The following GIMAP8 variants were observed in gnomAD, a reference collection of about 807,000 sequenced individuals.
The protein encoded by GIMAP8 is GTPase IMAP family member 8.
Under a neutral mutation model 35.6 loss-of-function variants are expected in GIMAP8, and 29 were observed. That is an observed-to-expected ratio of 0.81 (90% confidence interval 0.61 to 1.11). The LOEUF (loss-of-function observed/expected upper bound fraction) is 1.11, where lower values mean the gene tolerates loss of function less well. Among genes scored for constraint, GIMAP8 ranks in the 50% most tolerant of loss-of-function variants. The probability of loss-of-function intolerance (pLI) is 0.00; values close to 1 mark genes in which losing one functional copy is unlikely to be tolerated. For synonymous variants in GIMAP8, 335 were observed against 308.7 expected, an observed-to-expected ratio of 1.09 and a Z score of -0.89; for missense variants, 811 against 805.0, an observed-to-expected ratio of 1.01 and a Z score of -0.09.
At chr7:150,455,138 C>CAAAA (rs57359256) in intron 1 of GIMAP8, among the ~76,000 whole-genome samples, 1 of 124,002 alleles carries the variant, frequency 8.1e-6, no homozygotes. Flanking sequence ...AATTCCATCT[C>CAAAA]AAAAAAAAAA....
At chr7:150,453,755 C>T (rs1162637334) in intron 1 of GIMAP8, among the ~76,000 whole-genome samples, 1 of 151,234 alleles carries the variant, frequency 6.6e-6, no homozygotes, top group Non-Finnish European at 1.5e-5. Context: ...AAGCACTAAG[C>T]AACTAAATGC....
intron 1 of GIMAP8, among the ~76,000 whole-genome samples, chr7:150,461,258 G>A (rs535261066): frequency 2.3e-4 from 35 of 152,328 alleles, no homozygotes; most frequent in African/African-American, 8.4e-4. Context: ...GATCTGTGGT[G>A]TAGATTAAGT....
intron 1 of GIMAP8, among the ~76,000 whole-genome samples, chr7:150,462,513 T>C (rs1274296486): frequency 6.6e-6 from 1 of 152,224 alleles, no homozygotes; most frequent in African/African-American, 2.4e-5. Context: ...AAGCATTTCT[T>C]GTAGGGTTGG....
chr7:150,458,043 C>G (rs1450213006), intron 1 of GIMAP8, among the ~76,000 whole-genome samples: 2 of 152,236 alleles, frequency 1.3e-5, no homozygotes, highest in Non-Finnish European at 2.9e-5. Flanking sequence ...CTCCTCACCA[C>G]TTCTGTCTTG....
rs918888465 is a variant in GIMAP8 at position 150,472,629 on chromosome 7, C to T, written c.683-1383C>T. Among the ~76,000 whole-genome samples the T allele has an allele frequency of 6.6e-6, 1 of 152,072 alleles. No individual in the cohort carries two copies. Among genetic ancestry groups the T allele is most frequent in the African/African-American group, 2.4e-5 (1 of 41,382 alleles). ...ATGGTCTCTCTAAATTGAAGAGAGT[C>T]CATATTCGAAATAAATATAAAATTA... On this transcript the variant is annotated intron_variant, in intron 3 of 4. Coordinates refer to ENST00000307271, the MANE Select transcript of GIMAP8 (RefSeq NM_175571.4). This position sits in a 1 kb window ranked among gnomAD's most constrained non-coding sequence, Gnocchi z 4.1.
At position 150,474,091 on chromosome 7, in the gene GIMAP8, GA is replaced by G. The variant is rs762224440; in HGVS notation, c.765del (p.Lys255AsnfsTer28). 6.2e-7 allele frequency: 1 copy of G among 1,614,216 alleles called. No homozygotes were observed. Among genetic ancestry groups the G allele is most frequent in the Non-Finnish European group, 8.5e-7 (1 of 1,180,042 alleles). ...CAGAACTGACAGTCCTCCTTGTGGG[GA>G]AACGCGGTGCTGGAAAAAGTGCAGC... ...TSELTVLLVG[K>X]RGAGKSAAGN... is the part of the protein sequence containing the mutation. On this transcript the variant is annotated frameshift_variant, in exon 4 of 5. Transcript: ENST00000307271. LOFTEE classifies it high-confidence loss of function.
Position 150,467,257 on chromosome 7 carries a change from C to G in GIMAP8, c.559C>G (p.Arg187Gly), listed in dbSNP as rs540607407. ...GATCACCCAGGTGTTGGAGCTCCTT[C>G]GCAAGGTTGAGTCTTTGGTGAATAC... ...EQITQVLELLRKVESLVNTNG... is the reference protein window; with the variant it reads ...EQITQVLELLGKVESLVNTNG... Residue 187 changes from arginine to glycine, a missense_variant, in exon 2 of 5, where the codon CGC (arginine) becomes GGC (glycine). By Grantham distance (125) the Arg-to-Gly change is moderately radical (BLOSUM62 -2). Coordinates refer to ENST00000307271, the MANE Select transcript of GIMAP8 (RefSeq NM_175571.4). The G allele has an allele frequency of 9.9e-6, 16 of 1,614,170 alleles. No individual in the cohort carries two copies. The highest frequency in any genetic ancestry group is 1.3e-5 in the African/African-American group (1 of 75,052).
intron 2 of GIMAP8, 59 bp from the exon 3 acceptor site, chr7:150,470,770 A>ATTTT (rs1357852628): frequency 5.7e-5 from 13 of 230,036 alleles, no homozygotes; most frequent in East Asian, 8.1e-5. Flanking sequence ...TTTTTTTTTC[A>ATTTT]GTTTGTGGAA....
In GIMAP8 at chr7:150,450,777, C is replaced by G. The variant is rs1305848095; in HGVS notation, c.-427C>G. 6.5e-6 allele frequency: 1 copy of G among 153,242 alleles called. No homozygotes were observed. Among genetic ancestry groups the G allele is most frequent in the Non-Finnish European group, 1.5e-5 (1 of 68,930 alleles). 9.5% of individuals were successfully genotyped at this position (153,242 alleles called of 1,614,324 possible). ...TGGCACCGGCCCCGGCGCCCCAGCC[C>G]CTGGCCAAGCCTCTGCTGTCATTTC... On this transcript the variant is annotated 5_prime_UTR_variant, in exon 1 of 5. Coordinates refer to ENST00000307271, the MANE Select transcript of GIMAP8 (RefSeq NM_175571.4). The surrounding 1 kb of genome is among the most constrained non-coding windows in gnomAD (Gnocchi z 4.4).
intron 2 of GIMAP8, among the ~76,000 whole-genome samples, chr7:150,469,875 T>A (rs1802050172): frequency 6.6e-6 from 1 of 152,246 alleles, no homozygotes. Context: ...ACTTAAAGAA[T>A]GATGTAGTTC....
intron 3 of GIMAP8, among the ~76,000 whole-genome samples, chr7:150,473,362 G>C (rs1303682658): frequency 6.6e-6 from 1 of 151,632 alleles, no homozygotes; most frequent in African/African-American, 2.4e-5. Flanking sequence ...ATACATATGG[G>C]ATCCCCATCT....
chr7:150,453,561 G>A (rs1268963360), intron 1 of GIMAP8, among the ~76,000 whole-genome samples: 1 of 152,214 alleles, frequency 6.6e-6, no homozygotes, highest in Non-Finnish European at 1.5e-5. Context: ...ACAGAAAAAG[G>A]GCTTTCCCAC....
chr7:150,455,328 G>A (rs912588663), intron 1 of GIMAP8, among the ~76,000 whole-genome samples: 4 of 152,258 alleles, frequency 2.6e-5, no homozygotes, highest in African/African-American at 9.6e-5. Flanking sequence ...AAAGAGCTGA[G>A]AGGAGCCAAG....
intron 2 of GIMAP8, among the ~76,000 whole-genome samples, chr7:150,470,407 G>A (rs1377408440): frequency 2.0e-5 from 3 of 152,108 alleles, no homozygotes; most frequent in Non-Finnish European, 4.4e-5. Flanking sequence ...CTAAGTATCA[G>A]GATTCCCCAG....
intron 1 of GIMAP8, among the ~76,000 whole-genome samples, chr7:150,461,138 C>T (rs1253826968): frequency 6.6e-6 from 1 of 152,242 alleles, no homozygotes; most frequent in Non-Finnish European, 1.5e-5. Context: ...CAGGATAATG[C>T]TGACATAACA....
At chr7:150,470,523 T>G (rs1205440984) in intron 2 of GIMAP8, among the ~76,000 whole-genome samples, 1 of 152,100 alleles carries the variant, frequency 6.6e-6, no homozygotes, top group African/African-American at 2.4e-5. Context: ...ATTGGACAAT[T>G]AACCTCAGGT....
chr7:150,463,932 C>G (rs973225195), intron 1 of GIMAP8, among the ~76,000 whole-genome samples: 2 of 152,144 alleles, frequency 1.3e-5, no homozygotes, highest in African/African-American at 4.8e-5. Flanking sequence ...TTGGCAGTGC[C>G]AGTAGCAGTG....
intron 1 of GIMAP8, among the ~76,000 whole-genome samples, chr7:150,455,006 C>T (rs997685147): frequency 5.3e-5 from 8 of 151,778 alleles, no homozygotes; most frequent in Non-Finnish European, 1.0e-4. Context: ...GGTGTGGTGG[C>T]GCATGCCTGT....
chr7:150,464,089 C>A (rs540316191), intron 1 of GIMAP8, among the ~76,000 whole-genome samples: 4 of 152,308 alleles, frequency 2.6e-5, no homozygotes, highest in African/African-American at 4.8e-5. Flanking sequence ...AATTATTTTA[C>A]TACTACTTGT....
Sources: allele counts gnomAD v4.1 joint callset (sites outside exome capture counted in the v4.1 genomes callset), GRCh38; gene constraint gnomAD v4.1.1; non-coding constraint Gnocchi (gnomAD v3.1); transcripts MANE v1.5; gene names NCBI Gene and HGNC (gene_info 2026-07-23, HGNC 2026-07-21).